FLCN: variants seen among roughly 807,000 people sequenced by gnomAD.
The protein encoded by FLCN is folliculin, also known as BHD skin lesion fibrofolliculoma protein.
FLCN carries 22 observed loss-of-function variants against 62.5 expected under a neutral mutation model. The ratio of observed to expected loss-of-function variants is 0.35; its 90% CI spans 0.25 to 0.50. The LOEUF is 0.50. FLCN is among the 20% of genes least tolerant of loss of function. The pLI is 0.97. For missense variants in FLCN, 657 were observed against 778.0 expected (o/e 0.84, Z 1.85); for synonymous variants, 319 against 310.0 (o/e 1.03, Z -0.30).
chr17:17,221,866 CAG>C (rs2047101213), intron 7 of FLCN, among the ~76,000 whole-genome samples: 1 of 152,126 alleles, frequency 6.6e-6, no homozygotes, highest in Non-Finnish European at 1.5e-5. Flanking sequence ...TGTTCTAAAC[CAG>C]AGAGACTTGG....
chr17:17,216,559 C>A lies in FLCN; in HGVS notation c.1177-56G>T. The A allele has an allele frequency of 6.2e-7, 1 of 1,608,392 alleles. No individual in the cohort carries two copies. Among genetic ancestry groups the A allele is most frequent in the East Asian group, 2.2e-5 (1 of 44,746 alleles). On this transcript the variant is annotated intron_variant, in intron 10 of 13. Transcript: ENST00000285071. The surrounding 1 kb of genome is among the most constrained non-coding windows in gnomAD (Gnocchi z 4.0). ...ACACGAGGAAGCCCTCAGCCCCGGC[C>A]ATCCATGCTCTACTACCCAAACCCC... is the stretch of plus-strand genomic sequence containing the variant.
In FLCN at chr17:17,216,414, C is replaced by G. The variant is rs751013842; in HGVS notation, c.1266G>C (p.Pro422=). ...AYRCNFLGLS[P]HVQIPPHVLS... ...GCACGTGGGGGGGGATCTGCACGTG[C>G]GGGCTGAGCCCCAGGAAGTTGCACC... The change falls in exon 11 of 14, where the codon CCG becomes CCC. Residue 422 remains proline, a synonymous_variant. Coordinates refer to ENST00000285071, the MANE Select transcript of FLCN (RefSeq NM_144997.7). The surrounding 1 kb of genome is among the most constrained non-coding windows in gnomAD (Gnocchi z 4.0). The G allele has an allele frequency of 2.5e-6, 4 of 1,613,622 alleles. No homozygotes were observed. Among genetic ancestry groups the G allele is most frequent in the Non-Finnish European group, 3.4e-6 (4 of 1,179,782 alleles).
chr17:17,232,359 A>AGC (rs2047448533), intron 2 of FLCN, among the ~76,000 whole-genome samples: 2 of 152,214 alleles, frequency 1.3e-5, no homozygotes, highest in Non-Finnish European at 2.9e-5. Context: ...ACACACAGGA[A>AGC]GCGCCACATT....
chr17:17,226,131 C>A, intron 5 of FLCN, 45 bp downstream of exon 5: 1 of 1,613,442 alleles, frequency 6.2e-7, no homozygotes, highest in Admixed American at 1.7e-5. Context: ...CACCTGGGAG[C>A]ATGTGGGCTC....
At chr17:17,224,448 G>C (rs934536094) in intron 5 of FLCN, 2 of 475,164 alleles carry the variant, frequency 4.2e-6, no homozygotes, top group African/African-American at 3.9e-5. Flanking sequence ...AAATGTACCA[G>C]CTTACTCACC....
intron 1 of FLCN, among the ~76,000 whole-genome samples, chr17:17,234,225 T>G (rs941359910): frequency 2.6e-4 from 39 of 150,958 alleles, no homozygotes; most frequent in South Asian, 1.3e-3. Context: ...TTTGTTTTTT[T>G]TTTTGCGGAA....
intron 4 of FLCN, among the ~76,000 whole-genome samples, chr17:17,227,141 C>T (rs992395551): frequency 6.6e-6 from 1 of 152,200 alleles, no homozygotes; most frequent in African/African-American, 2.4e-5. Flanking sequence ...AAAGAACAAG[C>T]TTGGGTTCCC....
At chr17:17,217,221 G>A (rs780982417) in intron 9 of FLCN, 39 bp from the exon 10 acceptor site, 1 of 1,389,218 alleles carries the variant, frequency 7.2e-7, no homozygotes, top group African/African-American at 1.4e-5. Flanking sequence ...GTGACTAGTA[G>A]AAATGGTTTT....
Position 17,224,073 on chromosome 17 carries a change from A to G in FLCN, c.467T>C (p.Phe156Ser). The change falls in exon 6 of 14, where the codon TTC becomes TCC. Residue 156 changes from phenylalanine to serine, a missense_variant. Coordinates refer to ENST00000285071, the MANE Select transcript of FLCN (RefSeq NM_144997.7). ...EQHGFVFSHT[F>S]FIKDSLARGF... ...CCTGGCCAGGCTGTCCTTGATGAAG[A>G]AGGTGTGGCTGAACACAAAGCCGTG... 1.2e-6 allele frequency: 2 copies of G among 1,613,540 alleles called. No individual in the cohort carries two copies. Among genetic ancestry groups the G allele is most frequent in the Non-Finnish European group, 1.7e-6 (2 of 1,179,862 alleles).
intron 6 of FLCN, among the ~76,000 whole-genome samples, 158 bp downstream of exon 6, chr17:17,223,764 A>G (rs894277755): frequency 4.6e-5 from 7 of 152,146 alleles, no homozygotes; most frequent in Non-Finnish European, 1.0e-4. Flanking sequence ...GCTCCTCACG[A>G]CCTCCAGCTC....
Position 17,216,915 on chromosome 17 carries a change from C to T in FLCN, c.1176+154G>A. 1.4e-6 allele frequency: 1 copy of T among 699,608 alleles called. No individual in the cohort carries two copies. Among genetic ancestry groups the T allele is most frequent in the Non-Finnish European group, 2.6e-6 (1 of 384,614 alleles). 43.3% of individuals were successfully genotyped at this position (699,608 alleles called of 1,614,324 possible). On this transcript the variant is annotated intron_variant, in intron 10 of 13. Transcript: ENST00000285071. This position sits in a 1 kb window ranked among gnomAD's most constrained non-coding sequence, Gnocchi z 4.0. ...TGATTTAAACATCATCAGACCAGAC[C>T]CGGGTCTCCGTGCCCACTGCGCCCC...
At chr17:17,229,214 G>C (rs1261481883) in intron 3 of FLCN, 2 of 152,474 alleles carry the variant, frequency 1.3e-5, no homozygotes, top group Non-Finnish European at 2.9e-5. Context: ...CCTCCGTGGA[G>C]TGCAGCCCTT....
At chr17:17,223,803 T>A in intron 6 of FLCN, 119 bp downstream of exon 6, 1 of 1,002,722 alleles carries the variant, frequency 1.0e-6, no homozygotes, top group Non-Finnish European at 1.5e-6. Flanking sequence ...ATTCACACAG[T>A]GCACTGGCTG....
Position 17,212,744 on chromosome 17 carries a change from C to T in FLCN, c.*911G>A, listed in dbSNP as rs571893996. 643 of 193,038 alleles carry T rather than the reference C, an allele frequency of 3.3e-3. 4 individuals carry two copies. Among genetic ancestry groups the T allele is most frequent in the Non-Finnish European group, 4.2e-3 (393 of 92,658 alleles). 12.0% of individuals were successfully genotyped at this position (193,038 alleles called of 1,614,324 possible). A position where few individuals can be genotyped will look rare whatever the true frequency, so the allele number is the denominator to read the frequency against. Reference sequence around the variant, plus strand: ...GAGGTTGCAGTGAGCCAAGATCGTGCCATTGCACTCCAGCCTGGGCAACAA... The same window carrying T: ...GAGGTTGCAGTGAGCCAAGATCGTGTCATTGCACTCCAGCCTGGGCAACAA... On this transcript the variant is annotated 3_prime_UTR_variant, in exon 14 of 14. Coordinates refer to ENST00000285071, the MANE Select transcript of FLCN (RefSeq NM_144997.7).
rs2046812590 is a variant in FLCN, at chr17:17,213,585, A to G, written c.*70T>C. On this transcript the variant is annotated 3_prime_UTR_variant, in exon 14 of 14. Transcript: ENST00000285071. ...CCAGCAGTTGAGAAACTCAAGGGAC[A>G]GTCCCTCTCACGGGGCTGGAGGATC... is the stretch of plus-strand genomic sequence containing the variant. 1 of 1,590,808 alleles carries G rather than the reference A, an allele frequency of 6.3e-7. No homozygotes were observed. The highest frequency in any genetic ancestry group is 1.3e-5 in the African/African-American group (1 of 74,434).
At chr17:17,223,422 T>TCTGC (rs57123493) in intron 6 of FLCN, among the ~76,000 whole-genome samples, 77,688 of 151,690 alleles carry the variant, frequency 0.51, 20,737 homozygotes, top group East Asian at 0.66. Context: ...TGGCTGCCGC[T>TCTGC]CTGCCTGCCA....
chr17:17,227,182 A>G (rs1228880690), intron 4 of FLCN, among the ~76,000 whole-genome samples: 1 of 151,850 alleles, frequency 6.6e-6, no homozygotes, highest in East Asian at 1.9e-4. Flanking sequence ...TCCAACACCC[A>G]CCCCTGATTT....
intron 13 of FLCN, 141 bp downstream of exon 13, chr17:17,214,844 G>T: frequency 4.7e-6 from 4 of 856,554 alleles, no homozygotes; most frequent in Non-Finnish European, 7.6e-6. Context: ...TTGCAGTGGC[G>T]GACGTGGAGT....
intron 3 of FLCN, among the ~76,000 whole-genome samples, chr17:17,229,734 G>A (rs2047365714): frequency 6.6e-6 from 1 of 152,206 alleles, no homozygotes; most frequent in Non-Finnish European, 1.5e-5. Context: ...GAAGTCAAAG[G>A]TGACCTTAAC....
Sources: allele counts gnomAD v4.1 joint callset (sites outside exome capture counted in the v4.1 genomes callset), GRCh38; gene constraint gnomAD v4.1.1; non-coding constraint Gnocchi (gnomAD v3.1); transcripts MANE v1.5; gene names NCBI Gene and HGNC (gene_info 2026-07-23, HGNC 2026-07-21).